Variants in TLN2 observed in about 807,000 individuals in gnomAD.
TLN2 encodes talin-2.
A neutral mutation model predicts 294.7 loss-of-function variants in TLN2; 118 were observed. The observed-to-expected ratio is 0.40, with a 90% CI of 0.34 to 0.47. The LOEUF (loss-of-function observed/expected upper bound fraction) is 0.47, where lower values mean the gene tolerates loss of function less well. Ranked by LOEUF, TLN2 falls within the 20% of genes least tolerant of loss-of-function variation. The pLI is 0.84. For missense variants in TLN2, 3,083 were observed against 3,282.2 expected (o/e 0.94, Z 1.48); for synonymous variants, 1,431 against 1,304.5 (o/e 1.10, Z -2.09).
intron 22 of TLN2, among the ~76,000 whole-genome samples, chr15:62,713,375 A>G (rs532672170): frequency 6.6e-6 from 1 of 150,960 alleles, no homozygotes; most frequent in East Asian, 2.0e-4. Flanking sequence ...TATGTGTGTT[A>G]CTTCACTTAA....
chr15:62,758,805 C>A (rs2062472457), intron 37 of TLN2: 1 of 152,150 alleles, frequency 6.6e-6, no homozygotes, highest in Non-Finnish European at 1.5e-5. Context: ...CCAGGAGGCT[C>A]GGTTCATTGT....
chr15:62,721,260 T>A (rs2060130767), intron 25 of TLN2, among the ~76,000 whole-genome samples: 2 of 152,314 alleles, frequency 1.3e-5, no homozygotes, highest in East Asian at 3.9e-4. Context: ...GTTGAACAAA[T>A]CTAAATTTAC....
chr15:62,738,702 C>T (rs548852418), intron 30 of TLN2, among the ~76,000 whole-genome samples: 4 of 152,242 alleles, frequency 2.6e-5, no homozygotes, highest in South Asian at 4.2e-4. Context: ...AGGAATTTCA[C>T]CTTGGGGCCT....
At chr15:62,624,580 CAGAAG>C (rs1158689551) in intron 3 of TLN2, among the ~76,000 whole-genome samples, 1 of 151,940 alleles carries the variant, frequency 6.6e-6, no homozygotes, top group Non-Finnish European at 1.5e-5. Flanking sequence ...GAAAATATCA[CAGAAG>C]AGCAGAGAAG....
chr15:62,451,105 T>C (rs554471326), intron 1 of TLN2, among the ~76,000 whole-genome samples: 10 of 152,054 alleles, frequency 6.6e-5, no homozygotes, highest in African/African-American at 9.7e-5. Context: ...TGAGCCACTG[T>C]GCCTGACCTG....
chr15:62,773,931 G>A (rs1321467034), intron 42 of TLN2, among the ~76,000 whole-genome samples: 1 of 152,048 alleles, frequency 6.6e-6, no homozygotes, highest in African/African-American at 2.4e-5. Flanking sequence ...GCTTACCGAG[G>A]CGTTTGCAGT....
intron 1 of TLN2, among the ~76,000 whole-genome samples, chr15:62,443,839 A>G (rs1381354046): frequency 6.6e-6 from 1 of 152,160 alleles, no homozygotes; most frequent in African/African-American, 2.4e-5. Context: ...ATCTCTACAG[A>G]AAACAAAAAA....
chr15:62,456,807 C>T (rs923157080), intron 1 of TLN2, among the ~76,000 whole-genome samples: 5 of 152,194 alleles, frequency 3.3e-5, no homozygotes, highest in African/African-American at 9.7e-5. Flanking sequence ...ACTCTTCCAT[C>T]CGTTGTCTCA....
Position 62,714,188 on chromosome 15 carries a change from CG to C in TLN2, c.2634+2112del, listed in dbSNP as rs1324818701. On this transcript the variant is annotated intron_variant, in intron 22 of 58. Coordinates refer to ENST00000636159, the MANE Select transcript of TLN2 (RefSeq NM_015059.3). ...CAGTATTGAGCCAGGCCAATGTGCA[CG>C]TTTTTTTTTTTTTTTTTTTCTTTTT... Among the ~76,000 whole-genome samples, 6 of 106,366 alleles carry C rather than the reference CG, an allele frequency of 5.6e-5. No individual in the cohort carries two copies. In the Admixed American group the frequency reaches 7.5e-4, roughly 13 times the overall value. 69.8% of individuals were successfully genotyped at this position (106,366 alleles called of 152,430 possible). A position where few individuals can be genotyped will look rare whatever the true frequency, so the allele number is the denominator to read the frequency against.
chr15:62,594,917 T>C (rs1052194843), intron 2 of TLN2, among the ~76,000 whole-genome samples: 2 of 152,188 alleles, frequency 1.3e-5, no homozygotes, highest in Non-Finnish European at 2.9e-5. Flanking sequence ...AAGGGGTTAC[T>C]ATGCAAAATA....
chr15:62,607,755 A>G (rs2047575043), intron 2 of TLN2, among the ~76,000 whole-genome samples: 1 of 152,042 alleles, frequency 6.6e-6, no homozygotes. Flanking sequence ...GTGTGTGCAC[A>G]AGTCCATGTA....
At chr15:62,427,759 A>G (rs113582338) in intron 1 of TLN2, among the ~76,000 whole-genome samples, 1,741 of 152,252 alleles carry the variant, frequency 0.011, 35 homozygotes, top group African/African-American at 0.04. Flanking sequence ...ACAAATATGT[A>G]AATTGGATCT....
At chr15:62,631,575 T>TC (rs200490731) in intron 3 of TLN2, among the ~76,000 whole-genome samples, 63 of 141,782 alleles carry the variant, frequency 4.4e-4, no homozygotes, top group South Asian at 1.2e-3. Context: ...TCCTTTCCTT[T>TC]CTTTCTCTCT....
intron 45 of TLN2, among the ~76,000 whole-genome samples, chr15:62,787,992 T>C (rs1463914590): frequency 6.8e-6 from 1 of 146,548 alleles, no homozygotes; most frequent in East Asian, 2.2e-4. Flanking sequence ...GTGGCCAGTC[T>C]AAATCTCTTA....
intron 1 of TLN2, among the ~76,000 whole-genome samples, chr15:62,444,997 A>G (rs1202541614): frequency 6.6e-6 from 1 of 152,200 alleles, no homozygotes; most frequent in East Asian, 1.9e-4. Context: ...AATTACAGTT[A>G]TTATGTATCA....
chr15:62,585,001 T>G (rs2045467858), intron 1 of TLN2, among the ~76,000 whole-genome samples: 1 of 152,188 alleles, frequency 6.6e-6, no homozygotes, highest in African/African-American at 2.4e-5. Flanking sequence ...ATATTCTGAT[T>G]TTTACACACA....
chr15:62,460,745 T>C (rs1223855965), intron 1 of TLN2, among the ~76,000 whole-genome samples: 1 of 152,190 alleles, frequency 6.6e-6, no homozygotes, highest in Non-Finnish European at 1.5e-5. Flanking sequence ...TTTGTTGAAA[T>C]AGAGCATAGA....
intron 1 of TLN2, among the ~76,000 whole-genome samples, chr15:62,463,023 C>A (rs1339749589): frequency 7.9e-5 from 12 of 152,170 alleles, no homozygotes; most frequent in Admixed American, 7.9e-4. Context: ...CACGGGGGTA[C>A]TTATTCCCCG....
At chr15:62,811,372 G>A (rs559695923) in intron 52 of TLN2, among the ~76,000 whole-genome samples, 1 of 152,232 alleles carries the variant, frequency 6.6e-6, no homozygotes, top group South Asian at 2.1e-4. Context: ...TAGCTAGACA[G>A]GTTGGGAAAT....
Sources: gnomAD v4.1 joint callset for allele counts (sites outside exome capture counted in the v4.1 genomes callset) on GRCh38, gnomAD v4.1.1 for gene constraint, MANE v1.5 for transcripts, NCBI Gene and HGNC (gene_info 2026-07-23, HGNC 2026-07-21) for gene names.